Variants in RBKS observed in about 807,000 individuals in gnomAD.
The protein encoded by RBKS is ribokinase.
In RBKS, 33 loss-of-function variants were observed where a neutral mutation model predicts 33.9. That is an observed-to-expected ratio of 0.97 (90% confidence interval 0.74 to 1.30). The LOEUF is 1.30. RBKS is among the 50% of genes most tolerant of loss of function. The pLI is 0.00. For synonymous variants in RBKS, 125 were observed against 143.0 expected, an observed-to-expected ratio of 0.87 and a Z score of 0.90; for missense variants, 361 against 392.6, an observed-to-expected ratio of 0.92 and a Z score of 0.68.
intron 6 of RBKS, among the ~76,000 whole-genome samples, chr2:27,828,812 T>C (rs531002566): frequency 6.6e-6 from 1 of 152,360 alleles, no homozygotes; most frequent in South Asian, 2.1e-4. Flanking sequence ...GTTGTTGCTT[T>C]GATTCTGTTT....
intron 5 of RBKS, among the ~76,000 whole-genome samples, chr2:27,840,298 T>TA (rs1663456293): frequency 6.7e-6 from 1 of 149,790 alleles, no homozygotes; most frequent in Non-Finnish European, 1.5e-5. Flanking sequence ...GGGATACCAC[T>TA]CTTCTTGCAT....
intron 7 of RBKS, among the ~76,000 whole-genome samples, chr2:27,818,444 G>A (rs1038650562): frequency 6.6e-6 from 1 of 152,218 alleles, no homozygotes; most frequent in Admixed American, 6.5e-5. Context: ...GCAGGGTGGT[G>A]ACTGAGGTAG....
chr2:27,833,633 G>A (rs181466481), intron 5 of RBKS, among the ~76,000 whole-genome samples: 3 of 152,108 alleles, frequency 2.0e-5, no homozygotes, highest in Non-Finnish European at 4.4e-5. Context: ...TTAAGTTCAC[G>A]GTTTGGTCCA....
chr2:27,883,421 G>C (rs550041477), intron 1 of RBKS, among the ~76,000 whole-genome samples: 7 of 152,160 alleles, frequency 4.6e-5, no homozygotes, highest in East Asian at 1.9e-4. Context: ...GGATGGTCTC[G>C]ATCTCCTGAC....
At chr2:27,816,680 G>A (rs1678102861) in intron 7 of RBKS, among the ~76,000 whole-genome samples, 1 of 151,926 alleles carries the variant, frequency 6.6e-6, no homozygotes, top group Non-Finnish European at 1.5e-5. Context: ...CTCACTGCAA[G>A]CTCCGCCTCC....
chr2:27,842,726 G>A (rs959163849), intron 5 of RBKS, among the ~76,000 whole-genome samples: 3 of 151,422 alleles, frequency 2.0e-5, no homozygotes, highest in East Asian at 1.9e-4. Flanking sequence ...GAGCGATCTC[G>A]GCTCACTGCA....
rs544690382 is a variant in RBKS, at chr2:27,868,811, C to G, written c.90-10240G>C. On this transcript the variant is annotated intron_variant, in intron 1 of 7. Transcript: ENST00000302188. ...TCCTTTGCTTCTCAGCTGAGCTAATCCATTCAAATCCTTTAAAATTCAACT... is the reference window on the plus strand; with the variant it reads ...TCCTTTGCTTCTCAGCTGAGCTAATGCATTCAAATCCTTTAAAATTCAACT... Among the ~76,000 whole-genome samples, 5 of 152,268 alleles carry G rather than the reference C, an allele frequency of 3.3e-5. No homozygotes were observed. The South Asian group carries it at 1.0e-3, about 32-fold the overall frequency.
chr2:27,781,822 TGTA>T, intron 7 of RBKS, 34 bp from the exon 8 acceptor site: 1 of 1,568,654 alleles, frequency 6.4e-7, no homozygotes, highest in Non-Finnish European at 8.7e-7. Context: ...AAGATAAGCA[TGTA>T]GTCAATCTGT....
chr2:27,849,559 CAAAAA>C (rs70953894), intron 2 of RBKS, among the ~76,000 whole-genome samples: 1,341 of 28,554 alleles, frequency 0.047, 52 homozygotes, highest in African/African-American at 0.13. Flanking sequence ...GACTCTGTCT[CAAAAA>C]AAAAAAAAAA....
chr2:27,873,807 T>C (rs1664261274), intron 1 of RBKS, among the ~76,000 whole-genome samples: 1 of 151,628 alleles, frequency 6.6e-6, no homozygotes, highest in South Asian at 2.1e-4. Context: ...CAGTACCTAA[T>C]ATGTGATGTA....
intron 1 of RBKS, among the ~76,000 whole-genome samples, chr2:27,885,689 T>G (rs1437504078): frequency 6.6e-6 from 1 of 152,210 alleles, no homozygotes; most frequent in African/African-American, 2.4e-5. Flanking sequence ...ACATGTTTAA[T>G]TTTTCTCCTT....
At chr2:27,863,040 A>G (rs1373403056) in intron 1 of RBKS, among the ~76,000 whole-genome samples, 1 of 152,226 alleles carries the variant, frequency 6.6e-6, no homozygotes, top group East Asian at 1.9e-4. Flanking sequence ...TCAAAGACAG[A>G]AAAATTAAAT....
At chr2:27,876,813 A>C (rs1664324202) in intron 1 of RBKS, among the ~76,000 whole-genome samples, 1 of 152,184 alleles carries the variant, frequency 6.6e-6, no homozygotes, top group African/African-American at 2.4e-5. Context: ...TAAATGTTAT[A>C]TTATGCATAT....
intron 6 of RBKS, among the ~76,000 whole-genome samples, chr2:27,830,965 T>C (rs34579271): frequency 4.4e-3 from 664 of 152,300 alleles, no homozygotes; most frequent in Middle Eastern, 0.014. Context: ...AAGTCACACG[T>C]AGAGGCCATG....
chr2:27,804,810 C>T lies in RBKS; in HGVS notation c.795+22757G>A, dbSNP rs112817066. 4.0e-3 allele frequency among the ~76,000 whole-genome samples: 608 copies of T among 152,256 alleles called. 5 individuals are homozygous for T. The highest frequency in any genetic ancestry group is 0.014 in the African/African-American group (572 of 41,560). ...CTGTAAACTCAGCACTTTGGGAGGC[C>T]AAGGCCGGCGGATTGCTTGAGCTCA... On this transcript the variant is annotated intron_variant, in intron 7 of 7. Coordinates refer to ENST00000302188, the MANE Select transcript of RBKS (RefSeq NM_022128.3).
chr2:27,868,548 C>T (rs926891341), intron 1 of RBKS, among the ~76,000 whole-genome samples: 9 of 152,168 alleles, frequency 5.9e-5, no homozygotes, highest in African/African-American at 2.2e-4. Context: ...ACATAAAACA[C>T]ACAAATATTT....
chr2:27,853,353 GAA>G (rs71401587), intron 2 of RBKS, among the ~76,000 whole-genome samples: 11 of 64,586 alleles, frequency 1.7e-4, no homozygotes, highest in Middle Eastern at 0.012. Context: ...ACCTGTCTCT[GAA>G]AAAAAAAAAA....
intron 1 of RBKS, among the ~76,000 whole-genome samples, chr2:27,871,157 C>T (rs1222807106): frequency 6.6e-6 from 1 of 152,200 alleles, no homozygotes; most frequent in African/African-American, 2.4e-5. Context: ...TAAAGGACTT[C>T]TTAGCTTTAG....
intron 1 of RBKS, among the ~76,000 whole-genome samples, chr2:27,876,051 G>A (rs189488852): frequency 1.1e-3 from 167 of 152,258 alleles, no homozygotes; most frequent in Admixed American, 2.2e-3. Flanking sequence ...GAAAAGCAGT[G>A]TTGCTGTTAT....
Sources: gnomAD v4.1 joint callset for allele counts (sites outside exome capture counted in the v4.1 genomes callset) on GRCh38, gnomAD v4.1.1 for gene constraint, MANE v1.5 for transcripts, NCBI Gene and HGNC (gene_info 2026-07-23, HGNC 2026-07-21) for gene names.